Variants in ARHGAP10 observed in about 807,000 individuals in gnomAD.
The protein encoded by ARHGAP10 is Rho GTPase activating protein 10.
In ARHGAP10, 87 loss-of-function variants were observed where a neutral mutation model predicts 108.6. That is an observed-to-expected ratio of 0.80 (90% CI 0.67 to 0.96). ARHGAP10 has a LOEUF of 0.96. ARHGAP10 is among the 40% of genes least tolerant of loss of function. The pLI, the probability that ARHGAP10 is intolerant of heterozygous loss-of-function variation, is 0.00. For synonymous variants in ARHGAP10, 347 were observed against 341.1 expected (o/e 1.02, Z -0.19); for missense variants, 939 against 954.5 (o/e 0.98, Z 0.21).
intron 18 of ARHGAP10, among the ~76,000 whole-genome samples, chr4:148,005,156 G>C (rs533317520): frequency 1.3e-5 from 2 of 152,126 alleles, no homozygotes; most frequent in Admixed American, 1.3e-4. Context: ...TATGCCTCAG[G>C]GTCTTTGCAC....
At chr4:148,064,104 C>T (rs1048005154) in intron 21 of ARHGAP10, among the ~76,000 whole-genome samples, 16 of 152,104 alleles carry the variant, frequency 1.1e-4, no homozygotes, top group African/African-American at 3.6e-4. Context: ...ATAAACATGT[C>T]CTGTGGTTCT....
intron 1 of ARHGAP10, among the ~76,000 whole-genome samples, chr4:147,798,775 CTCTCTCTATATATATATA>C (rs1330648151): frequency 4.6e-4 from 2 of 4,354 alleles, no homozygotes; most frequent in East Asian, 0.025. Context: ...CTCTCTCTCT[CTCTCTCTATATATATATA>C]TATATATATA....
intron 3 of ARHGAP10, among the ~76,000 whole-genome samples, chr4:147,837,992 G>A (rs1372318826): frequency 6.6e-6 from 1 of 152,048 alleles, no homozygotes; most frequent in African/African-American, 2.4e-5. Flanking sequence ...ATAATCAGAT[G>A]TCTCCCTTCA....
intron 1 of ARHGAP10, among the ~76,000 whole-genome samples, chr4:147,759,130 T>A (rs1292559139): frequency 6.6e-6 from 1 of 152,230 alleles, no homozygotes; most frequent in Non-Finnish European, 1.5e-5. Context: ...ACAAATGGTT[T>A]ATTACTTTGC....
intron 7 of ARHGAP10, 90 bp from the exon 8 acceptor site, chr4:147,874,931 G>C: frequency 7.7e-7 from 1 of 1,298,410 alleles, no homozygotes; most frequent in Non-Finnish European, 1.0e-6. Flanking sequence ...GTTAAAAAAT[G>C]TAATTACATT....
At chr4:147,903,724 A>G (rs1239996180) in intron 10 of ARHGAP10, among the ~76,000 whole-genome samples, 2 of 152,168 alleles carry the variant, frequency 1.3e-5, no homozygotes, top group Non-Finnish European at 2.9e-5. Flanking sequence ...CTTTTCAGAT[A>G]GGCTTCTTTC....
intron 18 of ARHGAP10, among the ~76,000 whole-genome samples, chr4:147,997,201 TTAAC>T (rs1377065453): frequency 1.4e-4 from 21 of 152,138 alleles, no homozygotes; most frequent in Non-Finnish European, 2.6e-4. Context: ...GTAATTGAAA[TTAAC>T]TAACCAAAAT....
At chr4:147,997,196 T>G (rs1196572443) in intron 18 of ARHGAP10, among the ~76,000 whole-genome samples, 1 of 152,196 alleles carries the variant, frequency 6.6e-6, no homozygotes, top group African/African-American at 2.4e-5. Context: ...TTTGTGTAAT[T>G]GAAATTAACT....
intron 1 of ARHGAP10, among the ~76,000 whole-genome samples, chr4:147,753,052 A>C (rs991772515): frequency 6.6e-6 from 1 of 152,200 alleles, no homozygotes; most frequent in Non-Finnish European, 1.5e-5. Flanking sequence ...ATTTTGTCCA[A>C]AGTCATATGG....
rs565266689 is a variant in ARHGAP10, at chr4:147,995,960, G to A, written c.1717-27303G>A. ...TCTCCATCTCCTGACCTCGTGATCC[G>A]CCTGCCTCAGCCTCCCAAAGTGCTG... is the stretch of plus-strand genomic sequence containing the variant. On this transcript the variant is annotated intron_variant, in intron 18 of 22. Coordinates refer to ENST00000336498, the MANE Select transcript of ARHGAP10 (RefSeq NM_024605.4). 1.2e-4 allele frequency among the ~76,000 whole-genome samples: 18 copies of A among 152,094 alleles called. No individual in the cohort carries two copies. In the South Asian group the frequency reaches 1.5e-3, roughly 12 times the overall value.
At chr4:147,742,449 A>T (rs1017648818) in intron 1 of ARHGAP10, among the ~76,000 whole-genome samples, 3 of 142,764 alleles carry the variant, frequency 2.1e-5, no homozygotes, top group African/African-American at 7.7e-5. Context: ...CTTTACCCAT[A>T]GTTACAGGAG....
In ARHGAP10 at chr4:147,873,679, AAAACAC is replaced by A. The variant is rs1200195622; in HGVS notation, c.703-1340_703-1335del. Among the ~76,000 whole-genome samples, 24 of 15,764 alleles carry A rather than the reference AAAACAC, an allele frequency of 1.5e-3. No individual in the cohort carries two copies. The Admixed American group carries it at 0.016, about 10-fold the overall frequency. 10.3% of individuals were successfully genotyped at this position (15,764 alleles called of 152,430 possible). On this transcript the variant is annotated intron_variant, in intron 7 of 22. Transcript: ENST00000336498. ...CTGTCTCTACAAAAAAACAAAAAAC[AAAACAC>A]ACACACACACACACACACACACACA...
At chr4:147,903,515 A>T (rs995585482) in intron 10 of ARHGAP10, among the ~76,000 whole-genome samples, 1 of 152,260 alleles carries the variant, frequency 6.6e-6, no homozygotes, top group East Asian at 1.9e-4. Flanking sequence ...TGGATTGTAC[A>T]TTTTATGGGT....
chr4:148,071,343 T>C (rs1730166250), intron 22 of ARHGAP10, among the ~76,000 whole-genome samples: 1 of 152,010 alleles, frequency 6.6e-6, no homozygotes, highest in Non-Finnish European at 1.5e-5. Flanking sequence ...AGGCTGGGAG[T>C]GGTGGCTCAC....
chr4:147,987,159 C>G (rs575288913), intron 18 of ARHGAP10, among the ~76,000 whole-genome samples: 5 of 152,146 alleles, frequency 3.3e-5, no homozygotes, highest in Admixed American at 2.0e-4. Context: ...ATATGAAAAA[C>G]TAACTTTTCT....
chr4:147,774,279 T>C (rs1379681578), intron 1 of ARHGAP10, among the ~76,000 whole-genome samples: 4 of 152,204 alleles, frequency 2.6e-5, no homozygotes, highest in African/African-American at 9.7e-5. Context: ...CTAATTTGTC[T>C]TGGGGTCTCC....
Position 147,743,565 on chromosome 4 carries a change from G to A in ARHGAP10, c.154+11110G>A, listed in dbSNP as rs945902573. Among the ~76,000 whole-genome samples, 6 of 152,114 alleles carry A rather than the reference G, an allele frequency of 3.9e-5. No homozygotes were observed. In the South Asian group the frequency reaches 8.3e-4, roughly 21 times the overall value. ...GGCTGAGGCGGGCGGATCACCTGAG[G>A]TCGGGAGTTGGAGACCAGCCTGACA... is the stretch of plus-strand genomic sequence containing the variant. On this transcript the variant is annotated intron_variant, in intron 1 of 22. Transcript: ENST00000336498.
At chr4:147,914,542 C>T (rs1387459959) in intron 13 of ARHGAP10, among the ~76,000 whole-genome samples, 4 of 145,256 alleles carry the variant, frequency 2.8e-5, no homozygotes, top group African/African-American at 1.1e-4. Context: ...TTTTTAATTA[C>T]GCATGTTCTG....
At chr4:147,950,549 T>C (rs1738559614) in intron 15 of ARHGAP10, among the ~76,000 whole-genome samples, 1 of 152,130 alleles carries the variant, frequency 6.6e-6, no homozygotes, top group Non-Finnish European at 1.5e-5. Context: ...GCTATCTTAT[T>C]GGATGGGATG....
Sources: allele counts gnomAD v4.1 joint callset (sites outside exome capture counted in the v4.1 genomes callset), GRCh38; gene constraint gnomAD v4.1.1; transcripts MANE v1.5; gene names NCBI Gene and HGNC (gene_info 2026-07-23, HGNC 2026-07-21).